The following CDH3 variants were observed in gnomAD, a reference collection of about 807,000 sequenced individuals.
CDH3 encodes cadherin 3.
In CDH3, 54 loss-of-function variants were observed where a neutral mutation model predicts 82.0. That is an observed-to-expected ratio of 0.66 (90% CI 0.53 to 0.83). The LOEUF (loss-of-function observed/expected upper bound fraction) is 0.83. CDH3 is among the 40% of genes least tolerant of loss of function. The probability of loss-of-function intolerance (pLI) is 0.00; values close to 1 mark genes in which losing one functional copy is unlikely to be tolerated. For missense variants in CDH3, 1,054 were observed against 1,084.6 expected, an observed-to-expected ratio of 0.97 and a Z score of 0.40; for synonymous variants, 446 against 437.9, an observed-to-expected ratio of 1.02 and a Z score of -0.23.
At chr16:68,708,584 C>A (rs1961991733) in intron 1 of CDH3, among the ~76,000 whole-genome samples, 1 of 152,116 alleles carries the variant, frequency 6.6e-6, no homozygotes, top group Non-Finnish European at 1.5e-5. Flanking sequence ...CAGCCCTGCA[C>A]CCCCCAATGC....
In CDH3 at chr16:68,691,935, C is replaced by T; in HGVS notation, c.2002+9C>T. 1 of 1,605,248 alleles carries T rather than the reference C, an allele frequency of 6.2e-7. No individual in the cohort carries two copies. The highest frequency in any genetic ancestry group is 8.5e-7 in the Non-Finnish European group (1 of 1,173,530). On this transcript the variant is annotated intron_variant, in intron 13 of 15. Transcript: ENST00000264012. ...TGTCCTGGCTCTGCTGTGTGAGTAC[C>T]AGGCCCCCACCCCCTCCCTGAGGAT...
At position 68,654,380 on chromosome 16, in the gene CDH3, A is replaced by ATTTTTTTTTT. The variant is rs1176713669; in HGVS notation, c.160+8659_160+8668dup. On this transcript the variant is annotated intron_variant, in intron 2 of 15. Transcript: ENST00000264012. ...GGCCTTTTTCTTAATTTTTAAATTA[A>ATTTTTTTTTT]TTTTTTTTTTTTTTTTTTTTTTTTT... Among the ~76,000 whole-genome samples the ATTTTTTTTTT allele has an allele frequency of 9.5e-4, 46 of 48,496 alleles. 4 individuals carry two copies. The highest frequency in any genetic ancestry group is 1.2e-3 in the Non-Finnish European group (36 of 29,218). The allele number at this position is 48,496 out of a possible 152,430, so 31.8% of individuals were successfully genotyped here.
Position 68,707,403 on chromosome 16 carries a change from G to A in CDH3, c.99+11480G>A, listed in dbSNP as rs1961977878. ...AAGGCCTGACTCAGCTCCATCCCGG[G>A]GCTGGCAGAACCTGGTTCCTCCTCT... On this transcript the variant is annotated intron_variant, in intron 1 of 2. Transcript: ENST00000569080. This position sits in a 1 kb window ranked among gnomAD's most constrained non-coding sequence, Gnocchi z 4.5. Among the ~76,000 whole-genome samples the A allele has an allele frequency of 6.6e-6, 1 of 152,218 alleles. No homozygotes were observed. The highest frequency in any genetic ancestry group is 6.5e-5 in the Admixed American group (1 of 15,280).
In CDH3 at chr16:68,691,727, A is replaced by C. The variant is rs781667629; in HGVS notation, c.1803A>C (p.Thr601=). The change falls in exon 13 of 16, where the codon ACA becomes ACC. Residue 601 remains threonine (T), a synonymous_variant. Coordinates refer to ENST00000264012, the MANE Select transcript of CDH3 (RefSeq NM_001793.6). ...ATGATCTGTTCACTCCAGGTGACAC[A>C]GTGGTCTTGTCCCTGAAGAAGTTCC... ...WTAEVNEEGD[T]VVLSLKKFLK... is the part of the protein sequence containing the mutation. 4.3e-6 allele frequency: 7 copies of C among 1,613,546 alleles called. No homozygotes were observed. Among genetic ancestry groups the C allele is most frequent in the Non-Finnish European group, 5.1e-6 (6 of 1,179,500 alleles).
chr16:68,680,887 T>G, intron 7 of CDH3, 81 bp from the exon 8 acceptor site: 3 of 1,505,068 alleles, frequency 2.0e-6, no homozygotes, highest in Non-Finnish European at 2.8e-6. Flanking sequence ...CACACACCCA[T>G]GAGCCAGTGC....
intron 2 of CDH3, among the ~76,000 whole-genome samples, chr16:68,661,552 G>T (rs962739165): frequency 6.6e-6 from 1 of 152,334 alleles, no homozygotes; most frequent in Middle Eastern, 3.4e-3. Flanking sequence ...AAGTGAAATT[G>T]TTGGGTCATG....
At chr16:68,652,510 C>T (rs982259567) in intron 2 of CDH3, among the ~76,000 whole-genome samples, 10 of 152,138 alleles carry the variant, frequency 6.6e-5, no homozygotes, top group African/African-American at 2.4e-4. Flanking sequence ...GAAGGGCCTC[C>T]CCAGCTCCCA....
intron 11 of CDH3, 34 bp from the exon 12 acceptor site, chr16:68,687,478 A>T: frequency 6.3e-7 from 1 of 1,575,582 alleles, no homozygotes; most frequent in Non-Finnish European, 8.7e-7. Context: ...TGGGTGGGTC[A>T]CAGGGAGCTC....
At position 68,646,802 on chromosome 16, in the gene CDH3, A is replaced by G. The variant is rs529122829; in HGVS notation, c.160+1052A>G. ...CCGTGGCTTACCTGGCCTTCAAAAC[A>G]CTGAGAACCCTTGCTACCTAGCATT... On this transcript the variant is annotated intron_variant, in intron 2 of 15. Transcript: ENST00000264012. 2.4e-4 allele frequency among the ~76,000 whole-genome samples: 36 copies of G among 152,208 alleles called. 1 individual carries two copies. The highest frequency in any genetic ancestry group is 1.1e-3 in the Admixed American group (17 of 15,284).
chr16:68,646,536 G>GA (rs1960075094), intron 2 of CDH3, among the ~76,000 whole-genome samples: 1 of 113,828 alleles, frequency 8.8e-6, no homozygotes, highest in South Asian at 3.7e-4. Flanking sequence ...TCAAAAACCT[G>GA]AGGGGGTGGG....
At chr16:68,683,834 G>A (rs966566960) in intron 9 of CDH3, among the ~76,000 whole-genome samples, 2 of 151,702 alleles carry the variant, frequency 1.3e-5, no homozygotes, top group South Asian at 2.1e-4. Context: ...TTGGGAGGCC[G>A]AGGCAGACAG....
At chr16:68,700,669 G>A (rs144256362), downstream of CDH3, among the ~76,000 whole-genome samples, 1 of 152,248 alleles carries the variant, frequency 6.6e-6, no homozygotes, top group Non-Finnish European at 1.5e-5. Flanking sequence ...GTGAGCCACC[G>A]TGCCCGGCCT....
intron 2 of CDH3, among the ~76,000 whole-genome samples, chr16:68,723,941 T>C (rs867214749): frequency 6.8e-6 from 1 of 146,158 alleles, no homozygotes; most frequent in Admixed American, 6.7e-5. Context: ...TAGTGGCGGG[T>C]GCCTGTAGTC....
chr16:68,727,778 G>A (rs1962234263), downstream of CDH3, among the ~76,000 whole-genome samples: 1 of 152,012 alleles, frequency 6.6e-6, no homozygotes, highest in South Asian at 2.1e-4. Context: ...GCGTGGTAGT[G>A]CATGCCTGTA....
chr16:68,648,865 T>G (rs1960158059), intron 2 of CDH3, among the ~76,000 whole-genome samples: 1 of 142,824 alleles, frequency 7.0e-6, no homozygotes, highest in Non-Finnish European at 1.5e-5. Flanking sequence ...CCAAGAGTGC[T>G]TAGTCTTTTT....
At position 68,705,922 on chromosome 16, in the gene CDH3, C is replaced by T. The variant is rs373206707; in HGVS notation, c.99+9999C>T. Among the ~76,000 whole-genome samples, 31 of 151,242 alleles carry T rather than the reference C, an allele frequency of 2.0e-4. 1 individual carries two copies. The highest frequency in any genetic ancestry group is 4.6e-4 in the African/African-American group (19 of 41,316). On this transcript the variant is annotated intron_variant, in intron 1 of 2. Transcript: ENST00000569080. ...CTACTAAAAATACAAAACATTAGCG[C>T]GGCGTGGTGGCACGTGCCTGTAGTC...
chr16:68,713,761 G>A (rs1002214013), intron 1 of CDH3, among the ~76,000 whole-genome samples: 8 of 151,992 alleles, frequency 5.3e-5, no homozygotes, highest in African/African-American at 7.2e-5. Flanking sequence ...CCACTGTCCC[G>A]CTCCCCAGGT....
chr16:68,681,225 G>A, intron 8 of CDH3, 129 bp downstream of exon 8: 2 of 948,614 alleles, frequency 2.1e-6, no homozygotes, highest in Non-Finnish European at 3.4e-6. Flanking sequence ...GTGACCTTAG[G>A]AAAACTACCT....
In CDH3 at chr16:68,681,075, T is replaced by A. The variant is rs147249761; in HGVS notation, c.975T>A (p.Ala325=). 1.9e-6 allele frequency: 3 copies of A among 1,613,776 alleles called. No homozygotes were observed. In the African/African-American group the frequency reaches 4.0e-5, roughly 22 times the overall value. ...VVEILDANDN[A]PMFDPQKYEA... is the part of the protein sequence containing the mutation. ...AGATCCTTGATGCCAATGACAATGC[T>A]CCCATGTTTGACCCCCAGAAGGTAA... The change falls in exon 8 of 16, where the codon GCT becomes GCA. Residue 325 remains alanine (A), a synonymous_variant. Coordinates refer to ENST00000264012, the MANE Select transcript of CDH3 (RefSeq NM_001793.6).
Sources: allele counts gnomAD v4.1 joint callset (sites outside exome capture counted in the v4.1 genomes callset), GRCh38; gene constraint gnomAD v4.1.1; non-coding constraint Gnocchi (gnomAD v3.1); transcripts MANE v1.5; gene names NCBI Gene and HGNC (gene_info 2026-07-23, HGNC 2026-07-21).